TOX: variants seen among roughly 807,000 people sequenced by gnomAD.
TOX encodes thymocyte selection-associated high mobility group box protein TOX.
A neutral mutation model predicts 53.7 loss-of-function variants in TOX; 11 were observed. That is an observed-to-expected ratio of 0.20 (90% CI 0.13 to 0.34). TOX has a LOEUF of 0.34. Among genes scored for constraint, TOX ranks in the 10% least tolerant of loss-of-function variants. The pLI is 1.00. For synonymous variants in TOX, 225 were observed against 245.3 expected, an observed-to-expected ratio of 0.92 and a Z score of 0.77; for missense variants, 570 against 664.6, an observed-to-expected ratio of 0.86 and a Z score of 1.56.
chr8:58,841,563 A>T (rs538507650), intron 4 of TOX, among the ~76,000 whole-genome samples: 1 of 152,340 alleles, frequency 6.6e-6, no homozygotes, highest in East Asian at 1.9e-4. Flanking sequence ...CAGTTATAAG[A>T]TGAATAAGTT....
intron 1 of TOX, among the ~76,000 whole-genome samples, chr8:59,099,593 T>C (rs549471414): frequency 1.1e-4 from 17 of 152,316 alleles, no homozygotes; most frequent in East Asian, 1.9e-4. Flanking sequence ...ACAGTACCCA[T>C]TGGGTATTAG....
At chr8:59,033,104 T>G (rs1814390146) in intron 1 of TOX, among the ~76,000 whole-genome samples, 1 of 152,036 alleles carries the variant, frequency 6.6e-6, no homozygotes, top group Non-Finnish European at 1.5e-5. Context: ...AAGTTAAGAT[T>G]CAATTTGGAT....
chr8:59,048,764 AAT>A (rs1803733854), intron 1 of TOX, among the ~76,000 whole-genome samples: 1 of 152,222 alleles, frequency 6.6e-6, no homozygotes, highest in Admixed American at 6.5e-5. Context: ...TGCAATGCAT[AAT>A]ATTCACATCG....
intron 3 of TOX, among the ~76,000 whole-genome samples, chr8:58,866,541 A>T (rs1811105344): frequency 6.6e-6 from 1 of 152,208 alleles, no homozygotes; most frequent in African/African-American, 2.4e-5. Flanking sequence ...TTCTTAACCA[A>T]TGCCCCCAGG....
In TOX at chr8:58,851,894, T is replaced by C; in HGVS notation, c.412-89A>G. The C allele has an allele frequency of 8.8e-7, 1 of 1,135,694 alleles. No individual in the cohort carries two copies. Among genetic ancestry groups the C allele is most frequent in the Non-Finnish European group, 1.1e-6 (1 of 901,470 alleles). 70.4% of individuals were successfully genotyped at this position (1,135,694 alleles called of 1,614,324 possible). ...AAATATGTTTTGGGCAAAAAAGTAA[T>C]AATTCTTTAGATTTCCAGATGTTCT... On this transcript the variant is annotated intron_variant, in intron 3 of 8. Transcript: ENST00000361421. The surrounding 1 kb of genome is among the most constrained non-coding windows in gnomAD (Gnocchi z 4.4).
intron 1 of TOX, among the ~76,000 whole-genome samples, chr8:59,006,586 TTTTC>T (rs1813795403): frequency 6.6e-6 from 1 of 152,218 alleles, no homozygotes; most frequent in Non-Finnish European, 1.5e-5. Context: ...AAGTGCAGTC[TTTTC>T]TAATCTTTAT....
chr8:59,056,706 CTGAAAAGTCACA>C (rs1375708669), intron 1 of TOX, among the ~76,000 whole-genome samples: 1 of 152,174 alleles, frequency 6.6e-6, no homozygotes, highest in Admixed American at 6.5e-5. Context: ...GTTCTGTTAT[CTGAAAAGTCACA>C]TGCCACCTGT....
At chr8:58,975,893 G>A (rs1445946099) in intron 1 of TOX, among the ~76,000 whole-genome samples, 1 of 152,114 alleles carries the variant, frequency 6.6e-6, no homozygotes, top group African/African-American at 2.4e-5. Flanking sequence ...CCAACATGGT[G>A]AAACCCCGTC....
intron 1 of TOX, among the ~76,000 whole-genome samples, chr8:59,107,853 C>T (rs1345391122): frequency 6.6e-6 from 1 of 152,136 alleles, no homozygotes; most frequent in Admixed American, 6.6e-5. Context: ...AGCTGATGAG[C>T]CATGAAAAAT....
intron 7 of TOX, among the ~76,000 whole-genome samples, chr8:58,813,985 C>T (rs1810129487): frequency 6.6e-6 from 1 of 152,108 alleles, no homozygotes; most frequent in African/African-American, 2.4e-5. Flanking sequence ...CAGCTCTGAC[C>T]TTATGAGCAC....
intron 3 of TOX, among the ~76,000 whole-genome samples, chr8:58,883,212 T>C (rs1227659247): frequency 6.6e-6 from 1 of 152,200 alleles, no homozygotes; most frequent in Non-Finnish European, 1.5e-5. Context: ...GCTCAACACA[T>C]GACTCTCCAT....
intron 1 of TOX, among the ~76,000 whole-genome samples, chr8:59,014,315 C>G (rs1813968334): frequency 6.6e-6 from 1 of 152,222 alleles, no homozygotes; most frequent in Non-Finnish European, 1.5e-5. Context: ...AATCCAGATG[C>G]TATCAATGGG....
intron 1 of TOX, among the ~76,000 whole-genome samples, chr8:59,046,729 G>A (rs186445065): frequency 1.2e-4 from 18 of 151,782 alleles, no homozygotes; most frequent in South Asian, 4.2e-4. Flanking sequence ...GTGGTGGCAC[G>A]CACCTGTAGT....
intron 2 of TOX, among the ~76,000 whole-genome samples, chr8:58,939,935 C>G (rs1181026598): frequency 6.6e-6 from 1 of 152,170 alleles, no homozygotes; most frequent in East Asian, 1.9e-4. Context: ...CCCTACTGCT[C>G]AGATCATGGG....
chr8:59,001,604 C>T (rs748315588), intron 1 of TOX, among the ~76,000 whole-genome samples: 2 of 152,122 alleles, frequency 1.3e-5, no homozygotes, highest in Non-Finnish European at 2.9e-5. Context: ...CAAAAACCAT[C>T]CTGAGCTTGA....
chr8:58,849,175 T>C (rs1349115), intron 4 of TOX, among the ~76,000 whole-genome samples: 45,948 of 151,962 alleles, frequency 0.3, 7,198 homozygotes, highest in Middle Eastern at 0.35. Flanking sequence ...GGATTTGAAT[T>C]GGAGACAAGG....
At chr8:58,925,523 A>G (rs1241255137) in intron 3 of TOX, among the ~76,000 whole-genome samples, 1 of 152,186 alleles carries the variant, frequency 6.6e-6, no homozygotes, top group Non-Finnish European at 1.5e-5. Context: ...GGACTATCTC[A>G]TTTAATCCAC....
At position 58,959,943 on chromosome 8, in the gene TOX, C is replaced by T; in HGVS notation, c.168G>A (p.Gln56=). The part of the protein sequence containing the change: ...EPSQDYVPAS[Q]SYPGPSLESE... The stretch of plus-strand genomic sequence containing the variant: ...AGGCAGAGAAGATTAATTAACCCAC[C>T]TGGCTGGCTGGCACATAGTCCTGGC... The change falls in exon 2 of 9, where the codon CAG becomes CAA. Residue 56 remains glutamine, a splice_region_variant and synonymous_variant. Transcript: ENST00000361421. 6.2e-7 allele frequency: 1 copy of T among 1,614,112 alleles called. No individual in the cohort carries two copies. Among genetic ancestry groups the T allele is most frequent in the Non-Finnish European group, 8.5e-7 (1 of 1,179,988 alleles).
At chr8:58,823,182 T>A (rs1314736573) in intron 6 of TOX, among the ~76,000 whole-genome samples, 1 of 152,198 alleles carries the variant, frequency 6.6e-6, no homozygotes, top group Admixed American at 6.5e-5. Flanking sequence ...TGGAGTCATG[T>A]TAATTAATCT....
Sources: gnomAD v4.1 joint callset for allele counts (sites outside exome capture counted in the v4.1 genomes callset) on GRCh38, gnomAD v4.1.1 for gene constraint, Gnocchi (gnomAD v3.1) non-coding constraint, MANE v1.5 for transcripts, NCBI Gene and HGNC (gene_info 2026-07-23, HGNC 2026-07-21) for gene names.